Variants in ASPSCR1 observed in about 807,000 individuals in gnomAD.
ASPSCR1 encodes the protein ASPSCR1 tether for SLC2A4, UBX domain containing.
In ASPSCR1, 55 loss-of-function variants were observed where a neutral mutation model predicts 68.9. The observed-to-expected ratio is 0.80, with a 90% confidence interval of 0.64 to 1.00. The LOEUF (loss-of-function observed/expected upper bound fraction) is 1.00, where lower values mean the gene tolerates loss of function less well. Among genes scored for constraint, ASPSCR1 ranks in the 50% least tolerant of loss-of-function variants. The probability of loss-of-function intolerance (pLI) is 0.00; values close to 1 mark genes in which losing one functional copy is unlikely to be tolerated. For missense variants in ASPSCR1, 765 were observed against 762.2 expected (o/e 1.00, Z -0.04); for synonymous variants, 352 against 332.6 (o/e 1.06, Z -0.63).
chr17:82,008,925 A>T, intron 7 of ASPSCR1, 112 bp from the exon 8 acceptor site: 1 of 1,349,524 alleles, frequency 7.4e-7, no homozygotes, highest in Non-Finnish European at 9.7e-7. Context: ...CCAGGGAGGG[A>T]GTGGGCCCAG....
Position 81,999,838 on chromosome 17 carries a change from G to A in ASPSCR1, c.933+2992G>A, listed in dbSNP as rs1051024590. 5.9e-5 allele frequency among the ~76,000 whole-genome samples: 9 copies of A among 152,148 alleles called. No homozygotes were observed. The highest frequency in any genetic ancestry group is 1.2e-4 in the Non-Finnish European group (8 of 68,026). On this transcript the variant is annotated intron_variant, in intron 7 of 15. Transcript: ENST00000306739. This position sits in a 1 kb window ranked among gnomAD's most constrained non-coding sequence, Gnocchi z 4.4. ...CCACACACCTGGGAGGGCAGAGGCC[G>A]GGCGTCTGCACCGTGTTGGATGTGG...
intron 9 of ASPSCR1, 31 bp downstream of exon 9, chr17:82,009,598 G>A: frequency 1.3e-6 from 2 of 1,554,348 alleles, no homozygotes; most frequent in Non-Finnish European, 1.7e-6. Flanking sequence ...GGCGACTGAG[G>A]CACAGCTCTG....
intron 7 of ASPSCR1, among the ~76,000 whole-genome samples, chr17:81,997,822 C>T (rs1188829164): frequency 6.9e-6 from 1 of 145,454 alleles, no homozygotes; most frequent in African/African-American, 2.6e-5. Context: ...TTTACTGAGG[C>T]ACCCACTTTT....
chr17:81,995,377 G>A, intron 5 of ASPSCR1: 1 of 237,890 alleles, frequency 4.2e-6, no homozygotes, highest in Middle Eastern at 1.3e-3. Flanking sequence ...GGCTGTGACG[G>A]GGAGGTTCAG....
intron 1 of ASPSCR1, among the ~76,000 whole-genome samples, 175 bp from the exon 2 acceptor site, chr17:81,979,009 A>T (rs2041708512): frequency 2.6e-5 from 4 of 152,168 alleles, no homozygotes; most frequent in Admixed American, 2.6e-4. Flanking sequence ...CAGGATTTGC[A>T]GGTGAGAGCC....
chr17:81,995,182 GCGTGGCGCAAGCAAAGCCCGC>G (rs1286797085), intron 5 of ASPSCR1: 16 of 482,580 alleles, frequency 3.3e-5, no homozygotes, highest in South Asian at 3.1e-4. Context: ...ACCGAGTGTG[GCGTGGCGCAAGCAAAGCCCGC>G]CGTGGCGGGA....
At chr17:82,000,575 T>C (rs758828739) in intron 7 of ASPSCR1, among the ~76,000 whole-genome samples, 2 of 152,196 alleles carry the variant, frequency 1.3e-5, no homozygotes, top group African/African-American at 4.8e-5. Context: ...AGGTACACTT[T>C]AGTAAGCAAA....
At chr17:81,995,263 T>G in intron 5 of ASPSCR1, 37 of 292,454 alleles carry the variant, frequency 1.3e-4, no homozygotes, top group East Asian at 1.8e-4. Context: ...GTTTCCACGC[T>G]GGCTGAGTGC....
At chr17:81,979,366 GGAGAC>G (rs2041721684) in intron 2 of ASPSCR1, 127 bp downstream of exon 2, 3 of 1,022,246 alleles carry the variant, frequency 2.9e-6, no homozygotes, top group Non-Finnish European at 4.5e-6. Flanking sequence ...TCCCAACTCT[GGAGAC>G]CCAAGGCCTT....
intron 12 of ASPSCR1, chr17:82,015,614 C>T (rs892031152): frequency 9.0e-6 from 5 of 553,228 alleles, no homozygotes; most frequent in African/African-American, 7.5e-5. Context: ...ATGGGGCTGG[C>T]CAGGGCTCCT....
chr17:81,993,665 G>C (rs901318392), intron 4 of ASPSCR1, among the ~76,000 whole-genome samples: 1 of 152,244 alleles, frequency 6.6e-6, no homozygotes, highest in African/African-American at 2.4e-5. Context: ...GGATGTGCAC[G>C]TATGTCTCGA....
rs1471037449 is a variant in ASPSCR1, at chr17:82,016,981, G to A, written c.1516G>A (p.Ala506Thr). Residue 506 changes from alanine (A) to threonine (T), a missense_variant, in exon 15 of 16, where the codon GCC becomes ACC. Transcript: ENST00000306739. ...RAAGSPSPLP[A>T]PDPAPKSEPA... ...CGCCGGGTCCCCTTCCCCATTGCCA[G>A]CCCCTGACCCTGCACCTAAGTCTGA... 6.2e-7 allele frequency: 1 copy of A among 1,612,252 alleles called. No individual in the cohort carries two copies. Among genetic ancestry groups the A allele is most frequent in the African/African-American group, 1.3e-5 (1 of 74,924 alleles).
chr17:82,000,248 G>A (rs1462561744), intron 7 of ASPSCR1, among the ~76,000 whole-genome samples: 1 of 152,254 alleles, frequency 6.6e-6, no homozygotes, highest in Non-Finnish European at 1.5e-5. Flanking sequence ...AGAGCGTGGG[G>A]CGTGGAGCAT....
At chr17:81,995,835 G>A (rs551962114) in intron 5 of ASPSCR1, among the ~76,000 whole-genome samples, 157 bp from the exon 6 acceptor site, 78 of 152,316 alleles carry the variant, frequency 5.1e-4, no homozygotes, top group African/African-American at 1.7e-3. Context: ...CCTTGTGGAG[G>A]GTGTGGACCG....
At chr17:82,010,525 T>C in intron 9 of ASPSCR1, among the ~76,000 whole-genome samples, 1 of 118,084 alleles carries the variant, frequency 8.5e-6, no homozygotes, top group African/African-American at 3.5e-5. Flanking sequence ...TGAGACTCCA[T>C]CTCAAAAAAA....
intron 4 of ASPSCR1, among the ~76,000 whole-genome samples, chr17:81,988,749 T>C (rs895338324): frequency 1.3e-5 from 2 of 152,226 alleles, no homozygotes; most frequent in Admixed American, 6.5e-5. Flanking sequence ...TCTTCCGTCG[T>C]GTGGGTGTCA....
rs2042046183 is a variant in ASPSCR1, at chr17:81,987,881, T to G, written c.374+2274T>G. ...AAAAAAACAAAAGAAACAACAAGGCTGGGCACGGTGGCTCACACCTGTAAT... is the reference window on the plus strand; with the variant it reads ...AAAAAAACAAAAGAAACAACAAGGCGGGGCACGGTGGCTCACACCTGTAAT... On this transcript the variant is annotated intron_variant, in intron 4 of 15. Coordinates refer to ENST00000306739, the MANE Select transcript of ASPSCR1 (RefSeq NM_024083.4). This position sits in a 1 kb window ranked among gnomAD's most constrained non-coding sequence, Gnocchi z 5.6. Among the ~76,000 whole-genome samples the G allele has an allele frequency of 6.6e-6, 1 of 151,810 alleles. No homozygotes were observed. Among genetic ancestry groups the G allele is most frequent in the African/African-American group, 2.4e-5 (1 of 41,302 alleles).
intron 13 of ASPSCR1, 118 bp downstream of exon 13, chr17:82,016,645 C>T (rs992828835): frequency 6.8e-7 from 1 of 1,461,110 alleles, no homozygotes; most frequent in African/African-American, 1.4e-5. Flanking sequence ...AGAGGGAGAT[C>T]TGCGGCCCCC....
chr17:81,995,585 C>T lies in ASPSCR1; in HGVS notation c.433-407C>T, dbSNP rs557441249. ...CGTATGGGACGTGGCCAGCCAGGCC[C>T]GATCCCTGCCCACCCCGAGCTGAGC... On this transcript the variant is annotated intron_variant, in intron 5 of 15. Coordinates refer to ENST00000306739, the MANE Select transcript of ASPSCR1 (RefSeq NM_024083.4). 5.0e-5 allele frequency: 19 copies of T among 379,956 alleles called. 1 individual carries two copies. In the Admixed American group the frequency reaches 6.8e-4, roughly 14 times the overall value. 23.5% of individuals were successfully genotyped at this position (379,956 alleles called of 1,614,324 possible).
Sources: gnomAD v4.1 joint callset for allele counts (sites outside exome capture counted in the v4.1 genomes callset) on GRCh38, gnomAD v4.1.1 for gene constraint, Gnocchi (gnomAD v3.1) non-coding constraint, MANE v1.5 for transcripts, NCBI Gene and HGNC (gene_info 2026-07-23, HGNC 2026-07-21) for gene names.